Variants in ARHGAP24 observed in about 807,000 individuals in gnomAD.
The protein encoded by ARHGAP24 is Rho GTPase activating protein 24, also known as rho GTPase-activating protein 24.
In ARHGAP24, 50 loss-of-function variants were observed where a neutral mutation model predicts 76.4. The observed-to-expected ratio is 0.65, with a 90% CI of 0.52 to 0.83. ARHGAP24 has a LOEUF of 0.83. ARHGAP24 is among the 40% of genes least tolerant of loss of function. The pLI is 0.00. For synonymous variants in ARHGAP24, 345 were observed against 323.3 expected (o/e 1.07, Z -0.72); for missense variants, 930 against 914.2 (o/e 1.02, Z -0.22).
intron 2 of ARHGAP24, among the ~76,000 whole-genome samples, chr4:85,590,296 C>T (rs1203405729): frequency 4.8e-5 from 7 of 144,824 alleles, no homozygotes; most frequent in African/African-American, 1.8e-4. Context: ...TTCCTTCTTT[C>T]CTTCCCTTCC....
intron 3 of ARHGAP24, among the ~76,000 whole-genome samples, chr4:85,754,454 G>A (rs149577596): frequency 1.5e-4 from 23 of 152,314 alleles, no homozygotes; most frequent in Admixed American, 4.6e-4. Context: ...ACAATGCACA[G>A]CAGATTTTCT....
chr4:85,577,808 G>A (rs1389595652), intron 2 of ARHGAP24, among the ~76,000 whole-genome samples: 2 of 152,200 alleles, frequency 1.3e-5, no homozygotes, highest in African/African-American at 2.4e-5. Flanking sequence ...AGAAATGAAG[G>A]ATGGTATCCG....
At chr4:85,608,563 T>C (rs1375545525) in intron 2 of ARHGAP24, among the ~76,000 whole-genome samples, 1 of 137,322 alleles carries the variant, frequency 7.3e-6, no homozygotes, top group Non-Finnish European at 1.6e-5. Flanking sequence ...TTTTTTTTTT[T>C]TTTTTTTTTT....
intron 3 of ARHGAP24, among the ~76,000 whole-genome samples, chr4:85,782,947 T>G (rs1727633821): frequency 6.6e-6 from 1 of 152,230 alleles, no homozygotes; most frequent in African/African-American, 2.4e-5. Flanking sequence ...TTAAAACTGC[T>G]ATGTTTTATT....
At chr4:85,554,690 C>T (rs1280692749) in intron 1 of ARHGAP24, among the ~76,000 whole-genome samples, 1 of 152,022 alleles carries the variant, frequency 6.6e-6, no homozygotes, top group Non-Finnish European at 1.5e-5. Context: ...TAGATGGAGT[C>T]TCACTCTGTC....
intron 3 of ARHGAP24, among the ~76,000 whole-genome samples, chr4:85,759,309 T>G (rs1190102593): frequency 6.6e-6 from 1 of 152,120 alleles, no homozygotes; most frequent in Non-Finnish European, 1.5e-5. Context: ...GAGAAATTAC[T>G]TTTTGCCAGA....
chr4:85,904,981 A>G (rs185349402), intron 3 of ARHGAP24, among the ~76,000 whole-genome samples: 2 of 152,352 alleles, frequency 1.3e-5, no homozygotes, highest in Admixed American at 1.3e-4. Context: ...CTTTAATTGT[A>G]GAATGAAACC....
chr4:85,779,560 T>C (rs138587101), intron 3 of ARHGAP24, among the ~76,000 whole-genome samples: 227 of 152,344 alleles, frequency 1.5e-3, no homozygotes, highest in African/African-American at 5.0e-3. Flanking sequence ...TAATCCTTCC[T>C]TCTCTTTATT....
At chr4:85,648,665 G>C (rs1054011067) in intron 2 of ARHGAP24, among the ~76,000 whole-genome samples, 3 of 152,056 alleles carry the variant, frequency 2.0e-5, no homozygotes, top group African/African-American at 4.8e-5. Context: ...TATTTCCTCT[G>C]AGTTTTTAAT....
In ARHGAP24 at chr4:85,837,492, C is replaced by CT. The variant is rs557064298; in HGVS notation, c.269-86155dup. ...CAGCTGGAATTTGTGGTTGTGGAGT[C>CT]TATGTTACATGAAGACAAATCGAAA... On this transcript the variant is annotated intron_variant, in intron 3 of 9. Coordinates refer to ENST00000395184, the MANE Select transcript of ARHGAP24 (RefSeq NM_001025616.3). Among the ~76,000 whole-genome samples the CT allele has an allele frequency of 3.1e-3, 472 of 151,942 alleles. 2 individuals carry two copies. Among genetic ancestry groups the CT allele is most frequent in the Non-Finnish European group, 4.9e-3 (332 of 67,964 alleles).
At chr4:85,974,518 T>C (rs760885577) in intron 6 of ARHGAP24, among the ~76,000 whole-genome samples, 2 of 152,204 alleles carry the variant, frequency 1.3e-5, no homozygotes, top group Non-Finnish European at 2.9e-5. Context: ...GATGTATTTG[T>C]CTATGTTCTG....
chr4:85,929,856 A>G (rs1280123029), intron 4 of ARHGAP24, among the ~76,000 whole-genome samples: 1 of 152,242 alleles, frequency 6.6e-6, no homozygotes, highest in Non-Finnish European at 1.5e-5. Context: ...GAATAAATGC[A>G]GGTATGAAGG....
intron 3 of ARHGAP24, among the ~76,000 whole-genome samples, chr4:85,833,340 C>T (rs990073080): frequency 1.3e-5 from 2 of 152,188 alleles, no homozygotes; most frequent in African/African-American, 4.8e-5. Flanking sequence ...GGGGAGGAGA[C>T]AGCTTCAATT....
chr4:85,796,784 A>T (rs1038594821), intron 3 of ARHGAP24, among the ~76,000 whole-genome samples: 3 of 152,116 alleles, frequency 2.0e-5, no homozygotes, highest in Non-Finnish European at 4.4e-5. Flanking sequence ...AGCTCTCTGG[A>T]GACGCTATGG....
intron 1 of ARHGAP24, among the ~76,000 whole-genome samples, chr4:85,499,697 CAAAGAAACATTTGGCTTAAAGATG>C (rs2110098336): frequency 6.6e-6 from 1 of 152,212 alleles, no homozygotes; most frequent in South Asian, 2.1e-4. Context: ...CAGAATAAGA[CAAAGAAACATTTGGCTTAAAGATG>C]AGTACGGAAG....
intron 3 of ARHGAP24, among the ~76,000 whole-genome samples, chr4:85,733,081 T>TTTTTTTTTTTTTTTTTTG (rs70948746): frequency 7.3e-6 from 1 of 136,790 alleles, no homozygotes; most frequent in African/African-American, 2.8e-5. Context: ...TTTTTTTTTT[T>TTTTTTTTTTTTTTTTTTG]GAGATGGAGT....
At position 85,712,847 on chromosome 4, in the gene ARHGAP24, A is replaced by C. The variant is rs78066736; in HGVS notation, c.181-9038A>C. 7.9e-5 allele frequency among the ~76,000 whole-genome samples: 12 copies of C among 152,318 alleles called. No individual in the cohort carries two copies. In the East Asian group the frequency reaches 1.9e-3, roughly 24 times the overall value. Reference sequence around the variant, plus strand: ...CAGGTTTCGGGGATTAAGACCTGACATCTTTCCGTGGCCATTATTCAGTAA... The same window carrying C: ...CAGGTTTCGGGGATTAAGACCTGACCTCTTTCCGTGGCCATTATTCAGTAA... On this transcript the variant is annotated intron_variant, in intron 2 of 9. Transcript: ENST00000395184.
Position 85,858,337 on chromosome 4 carries a change from G to C in ARHGAP24, c.269-65311G>C, listed in dbSNP as rs560496795. ...CAGTGTTTTATTTGGTTGACATTCT[G>C]TTGCTATTTGTTTAAACAATTTTGT... On this transcript the variant is annotated intron_variant, in intron 3 of 9. Coordinates refer to ENST00000395184, the MANE Select transcript of ARHGAP24 (RefSeq NM_001025616.3). 2.6e-4 allele frequency among the ~76,000 whole-genome samples: 40 copies of C among 152,208 alleles called. 3 individuals are homozygous for C. The South Asian group carries it at 7.9e-3, about 30-fold the overall frequency.
At chr4:85,719,952 A>G (rs1724865090) in intron 2 of ARHGAP24, among the ~76,000 whole-genome samples, 1 of 152,134 alleles carries the variant, frequency 6.6e-6, no homozygotes, top group African/African-American at 2.4e-5. Flanking sequence ...GCTGCCATTT[A>G]TAGAAGGGTA....
Sources: allele counts gnomAD v4.1 joint callset (sites outside exome capture counted in the v4.1 genomes callset), GRCh38; gene constraint gnomAD v4.1.1; transcripts MANE v1.5; gene names NCBI Gene and HGNC (gene_info 2026-07-23, HGNC 2026-07-21).